TENM2: variants seen among roughly 807,000 people sequenced by gnomAD.
TENM2 encodes teneurin transmembrane protein 2.
TENM2 carries 52 observed loss-of-function variants against 245.2 expected under a neutral mutation model. The ratio of observed to expected loss-of-function variants is 0.21; its 90% CI spans 0.17 to 0.27. The LOEUF (loss-of-function observed/expected upper bound fraction) is 0.27. Among genes scored for constraint, TENM2 ranks in the 10% least tolerant of loss-of-function variants. The pLI is 1.00. For synonymous variants in TENM2, 1,363 were observed against 1,438.9 expected, an observed-to-expected ratio of 0.95 and a Z score of 1.19; for missense variants, 3,046 against 3,666.8, an observed-to-expected ratio of 0.83 and a Z score of 4.37.
At chr5:167,867,660 A>T (rs13175544) in intron 2 of TENM2, among the ~76,000 whole-genome samples, 1 of 152,194 alleles carries the variant, frequency 6.6e-6, no homozygotes, top group Non-Finnish European at 1.5e-5. Flanking sequence ...GATGATGTGG[A>T]ATAGAACAAA....
chr5:167,546,001 C>T (rs1268598415), intron 2 of TENM2, among the ~76,000 whole-genome samples: 1 of 152,210 alleles, frequency 6.6e-6, no homozygotes, highest in African/African-American at 2.4e-5. Context: ...GTTATTGACA[C>T]TTATCACATA....
chr5:168,233,014 C>T (rs1765927969), intron 25 of TENM2, among the ~76,000 whole-genome samples: 1 of 152,182 alleles, frequency 6.6e-6, no homozygotes, highest in Non-Finnish European at 1.5e-5. Flanking sequence ...TTCCTTTCTT[C>T]ACTCACTCTG....
At chr5:167,828,108 A>G (rs966728169) in intron 2 of TENM2, among the ~76,000 whole-genome samples, 1 of 152,192 alleles carries the variant, frequency 6.6e-6, no homozygotes, top group Non-Finnish European at 1.5e-5. Context: ...GTTAAATACT[A>G]TCTAATTTAA....
chr5:167,222,601 A>G, the TENM2 span, among the ~76,000 whole-genome samples: 1 of 143,120 alleles, frequency 7.0e-6, no homozygotes, highest in African/African-American at 2.8e-5. Context: ...GGAAAAATGA[A>G]TCACTTTTAT....
At chr5:168,213,510 C>G (rs1762943204) in intron 20 of TENM2, among the ~76,000 whole-genome samples, 1 of 152,088 alleles carries the variant, frequency 6.6e-6, no homozygotes, top group Admixed American at 6.6e-5. Flanking sequence ...GTCTTCCCAT[C>G]ACCCCAAAGT....
chr5:168,004,730 T>C (rs1306751842), intron 5 of TENM2, among the ~76,000 whole-genome samples: 1 of 152,210 alleles, frequency 6.6e-6, no homozygotes, highest in Admixed American at 6.5e-5. Flanking sequence ...TGCACAGATA[T>C]GGATGCCACC....
intron 2 of TENM2, among the ~76,000 whole-genome samples, chr5:167,806,425 G>A (rs1766175362): frequency 6.6e-6 from 1 of 152,068 alleles, no homozygotes; most frequent in Non-Finnish European, 1.5e-5. Context: ...TCTTGGAACA[G>A]CAGAGAAGTC....
chr5:167,827,423 G>A (rs1326522088), intron 2 of TENM2, among the ~76,000 whole-genome samples: 2 of 152,030 alleles, frequency 1.3e-5, no homozygotes, highest in East Asian at 1.9e-4. Context: ...TTGTACACAG[G>A]CAAATCAGTC....
At chr5:167,484,971 C>G (rs932420689) in intron 2 of TENM2, among the ~76,000 whole-genome samples, 3 of 152,186 alleles carry the variant, frequency 2.0e-5, no homozygotes, top group African/African-American at 7.2e-5. Context: ...GCATATATTC[C>G]AGTAAAATAA....
the TENM2 span, among the ~76,000 whole-genome samples, chr5:167,198,083 A>G: frequency 3.9e-5 from 6 of 151,980 alleles, no homozygotes; most frequent in African/African-American, 1.4e-4. Flanking sequence ...AGAGACTACA[A>G]TTTCAAACTG....
chr5:168,067,982 C>T (rs1017856581), intron 7 of TENM2, among the ~76,000 whole-genome samples: 8 of 152,154 alleles, frequency 5.3e-5, no homozygotes, highest in African/African-American at 1.7e-4. Flanking sequence ...CTGTAGAGAA[C>T]GATTGTGTGA....
At chr5:167,186,844 G>A in the TENM2 span, among the ~76,000 whole-genome samples, 1 of 152,196 alleles carries the variant, frequency 6.6e-6, no homozygotes, top group Non-Finnish European at 1.5e-5. Flanking sequence ...ACAAAGACAG[G>A]CCAATCTGCC....
At chr5:167,740,122 A>T (rs1161261737) in intron 2 of TENM2, among the ~76,000 whole-genome samples, 1 of 152,056 alleles carries the variant, frequency 6.6e-6, no homozygotes, top group Non-Finnish European at 1.5e-5. Context: ...CATTGTTTGG[A>T]TTTGCATATG....
At chr5:167,108,374 C>A in the TENM2 span, among the ~76,000 whole-genome samples, 3,857 of 152,244 alleles carry the variant, frequency 0.025, 171 homozygotes, top group African/African-American at 0.088. Context: ...GATCCACCCA[C>A]CTTGGCCTCC....
chr5:167,624,691 A>T (rs549706219), intron 2 of TENM2, among the ~76,000 whole-genome samples: 2 of 152,326 alleles, frequency 1.3e-5, no homozygotes, highest in East Asian at 3.9e-4. Context: ...TCCACTTAAA[A>T]GCTGTGTTCT....
intron 23 of TENM2, among the ~76,000 whole-genome samples, chr5:168,224,358 C>CAACA (rs1763958615): frequency 6.6e-6 from 1 of 152,198 alleles, no homozygotes; most frequent in Admixed American, 6.5e-5. Flanking sequence ...CTCTCTCCCC[C>CAACA]AACACCTTTA....
At chr5:168,111,436 G>A (rs1794661249) in intron 9 of TENM2, among the ~76,000 whole-genome samples, 1 of 152,120 alleles carries the variant, frequency 6.6e-6, no homozygotes, top group Admixed American at 6.5e-5. Context: ...CGGTGGCAGG[G>A]GTTGGGGGAG....
chr5:167,861,494 C>A (rs890816546), intron 2 of TENM2, among the ~76,000 whole-genome samples: 1 of 152,188 alleles, frequency 6.6e-6, no homozygotes, highest in Non-Finnish European at 1.5e-5. Flanking sequence ...TCGTCACATG[C>A]GAAGAACAGA....
At chr5:167,993,722 G>C (rs939104447) in intron 5 of TENM2, among the ~76,000 whole-genome samples, 1 of 152,194 alleles carries the variant, frequency 6.6e-6, no homozygotes, top group Admixed American at 6.5e-5. Flanking sequence ...AATCGAATTA[G>C]CCAGACACAC....
Sources: gnomAD v4.1 joint callset for allele counts (sites outside exome capture counted in the v4.1 genomes callset) on GRCh38, gnomAD v4.1.1 for gene constraint, MANE v1.5 for transcripts, NCBI Gene and HGNC (gene_info 2026-07-23, HGNC 2026-07-21) for gene names.